The following ARHGAP6 variants were observed in gnomAD, a reference collection of about 807,000 sequenced individuals.
ARHGAP6 encodes the protein rho GTPase-activating protein 6.
ARHGAP6 carries 16 observed loss-of-function variants against 55.7 expected under a neutral mutation model. That is an observed-to-expected ratio of 0.29 (90% CI 0.19 to 0.44). The LOEUF (loss-of-function observed/expected upper bound fraction) is 0.44. Among genes scored for constraint, ARHGAP6 ranks in the 20% least tolerant of loss-of-function variants. The probability of loss-of-function intolerance (pLI) is 1.00; values close to 1 mark genes in which losing one functional copy is unlikely to be tolerated. For missense variants in ARHGAP6, 698 were observed against 808.9 expected (o/e 0.86, Z 1.66); for synonymous variants, 382 against 360.9 (o/e 1.06, Z -0.66).
intron 1 of ARHGAP6, among the ~76,000 whole-genome samples, chrX:11,467,134 T>A (rs2050301205): frequency 9.0e-6 from 1 of 111,540 alleles, no homozygotes; most frequent in Non-Finnish European, 1.9e-5. Flanking sequence ...AATGGGACAG[T>A]CCTTCCCATA....
intron 1 of ARHGAP6, among the ~76,000 whole-genome samples, chrX:11,337,441 A>G (rs1033494833): frequency 4.5e-5 from 5 of 111,888 alleles, no homozygotes; most frequent in African/African-American, 9.8e-5. Context: ...ACTCTGTCCC[A>G]CTTTCTCCAC....
chrX:11,185,531 A>C (rs1252698890), intron 5 of ARHGAP6, among the ~76,000 whole-genome samples: 2 of 112,099 alleles, frequency 1.8e-5, no homozygotes, highest in African/African-American at 6.5e-5. Flanking sequence ...TTTTACAGTT[A>C]AAAAAAGTAA....
At chrX:11,507,377 C>T (rs1323613404) in intron 1 of ARHGAP6, among the ~76,000 whole-genome samples, 1 of 111,518 alleles carries the variant, frequency 9.0e-6, no homozygotes, top group Non-Finnish European at 1.9e-5. Context: ...AGAAAGATTC[C>T]ACATCTCAGT....
intron 2 of ARHGAP6, among the ~76,000 whole-genome samples, chrX:11,201,369 C>T (rs1194102370): frequency 8.9e-6 from 1 of 112,019 alleles, no homozygotes. Context: ...TATCCAAAAT[C>T]CTATTACATC....
At chrX:11,599,467 A>G (rs2051944465) in intron 1 of ARHGAP6, among the ~76,000 whole-genome samples, 1 of 112,113 alleles carries the variant, frequency 8.9e-6, no homozygotes, top group African/African-American at 3.2e-5. Flanking sequence ...ACAATACTCA[A>G]AAATCTATTT....
intron 1 of ARHGAP6, among the ~76,000 whole-genome samples, chrX:11,373,947 G>T (rs1283738851): frequency 8.9e-6 from 1 of 111,852 alleles, no homozygotes; most frequent in Non-Finnish European, 1.9e-5. Flanking sequence ...TTTCAGTGAG[G>T]AGGCAATGTC....
At chrX:11,424,280 A>G (rs1321071432) in intron 1 of ARHGAP6, among the ~76,000 whole-genome samples, 1 of 112,671 alleles carries the variant, frequency 8.9e-6, no homozygotes, top group African/African-American at 3.2e-5. Context: ...GATTTCTTCA[A>G]TCAGGAAACA....
chrX:11,299,380 C>A (rs1161036711), intron 1 of ARHGAP6, among the ~76,000 whole-genome samples: 1 of 111,718 alleles, frequency 9.0e-6, no homozygotes, highest in Non-Finnish European at 1.9e-5. Flanking sequence ...CAAGAGGGAG[C>A]GGATAATTTT....
chrX:11,622,730 T>C (rs2052244551), intron 1 of ARHGAP6, among the ~76,000 whole-genome samples: 1 of 111,798 alleles, frequency 8.9e-6, no homozygotes, highest in African/African-American at 3.2e-5. Context: ...GCTGTACTAT[T>C]TAGCATAAAT....
chrX:11,435,832 G>A (rs1208094587), intron 1 of ARHGAP6, among the ~76,000 whole-genome samples: 4 of 111,799 alleles, frequency 3.6e-5, no homozygotes, highest in Middle Eastern at 4.6e-3. Context: ...AAGAAGAAAT[G>A]ACCATAACAT....
At chrX:11,445,468 A>G (rs780842273) in intron 1 of ARHGAP6, among the ~76,000 whole-genome samples, 4 of 112,163 alleles carry the variant, frequency 3.6e-5, no homozygotes, top group African/African-American at 1.3e-4. Context: ...TATCCTAGGC[A>G]AACCTAGATG....
chrX:11,508,077 T>TAC lies in ARHGAP6; in HGVS notation c.588+156162_588+156163dup, dbSNP rs753016452. ...CAAGGAAAGAAAAGTACAGGGTGTTTACCTAGCATGGATGTGGGTAGGTAT... is the reference window on the plus strand; with the variant it reads ...CAAGGAAAGAAAAGTACAGGGTGTTTACACCTAGCATGGATGTGGGTAGGTAT... On this transcript the variant is annotated intron_variant, in intron 1 of 12. Transcript: ENST00000337414. 5.3e-5 allele frequency among the ~76,000 whole-genome samples: 6 copies of TAC among 112,289 alleles called. No homozygotes were observed. In the South Asian group the frequency reaches 1.1e-3, roughly 21 times the overall value.
At chrX:11,363,049 A>T in intron 1 of ARHGAP6, among the ~76,000 whole-genome samples, 1 of 112,135 alleles carries the variant, frequency 8.9e-6, no homozygotes, top group Non-Finnish European at 1.9e-5. Context: ...AAATAAAACC[A>T]TATGAATTAA....
intron 1 of ARHGAP6, among the ~76,000 whole-genome samples, chrX:11,544,234 T>TA (rs1381553020): frequency 2.7e-5 from 3 of 112,322 alleles, no homozygotes; most frequent in African/African-American, 6.5e-5. Context: ...AATGAAATGA[T>TA]AAAAAACAAT....
At chrX:11,200,583 G>C (rs1294203546) in intron 2 of ARHGAP6, among the ~76,000 whole-genome samples, 3 of 112,460 alleles carry the variant, frequency 2.7e-5, no homozygotes, top group Non-Finnish European at 5.6e-5. Flanking sequence ...GATTTTTATG[G>C]ATTCATTTGC....
intron 1 of ARHGAP6, among the ~76,000 whole-genome samples, chrX:11,486,757 G>T (rs138874698): frequency 9.8e-5 from 11 of 111,909 alleles, no homozygotes; most frequent in Admixed American, 8.5e-4. Flanking sequence ...CCACACAGGG[G>T]AATGATGATG....
intron 1 of ARHGAP6, among the ~76,000 whole-genome samples, chrX:11,286,555 G>T (rs1378339584): frequency 1.8e-5 from 2 of 111,227 alleles, no homozygotes; most frequent in African/African-American, 6.6e-5. Context: ...ACCCAGCTCA[G>T]TTCTTAGGTA....
chrX:11,290,090 G>A (rs1194146419), intron 1 of ARHGAP6, among the ~76,000 whole-genome samples: 1 of 112,079 alleles, frequency 8.9e-6, no homozygotes, highest in Non-Finnish European at 1.9e-5. Flanking sequence ...TAGGATAATA[G>A]ATTCTAGCGC....
rs1037161874 is a variant in ARHGAP6, at chrX:11,547,839, C to G, written c.588+116402G>C. On this transcript the variant is annotated intron_variant, in intron 1 of 12. Coordinates refer to ENST00000337414, the MANE Select transcript of ARHGAP6 (RefSeq NM_013427.3). ...TCTAAGCAGTCCTCTTTAAATACCC[C>G]CTAAGGAATACCTTAGCTGTGGTCC... 5.4e-5 allele frequency among the ~76,000 whole-genome samples: 6 copies of G among 111,883 alleles called. No individual in the cohort carries two copies. The East Asian group carries it at 1.4e-3, about 26-fold the overall frequency.
Sources: allele counts gnomAD v4.1 joint callset (sites outside exome capture counted in the v4.1 genomes callset), GRCh38; gene constraint gnomAD v4.1.1; transcripts MANE v1.5; gene names NCBI Gene and HGNC (gene_info 2026-07-23, HGNC 2026-07-21).